Variants in RAB3GAP1 observed in about 807,000 individuals in gnomAD.
The protein encoded by RAB3GAP1 is RAB3 GTPase activating protein catalytic subunit 1.
RAB3GAP1 carries 86 observed loss-of-function variants against 130.7 expected under a neutral mutation model. The observed-to-expected ratio is 0.66, with a 90% CI of 0.55 to 0.79. RAB3GAP1 has a LOEUF of 0.79. Ranked by LOEUF, RAB3GAP1 falls within the 30% of genes least tolerant of loss-of-function variation. The pLI, the probability that RAB3GAP1 is intolerant of heterozygous loss-of-function variation, is 0.00. For synonymous variants in RAB3GAP1, 367 were observed against 401.7 expected, an observed-to-expected ratio of 0.91 and a Z score of 1.03; for missense variants, 1,029 against 1,169.4, an observed-to-expected ratio of 0.88 and a Z score of 1.75.
chr2:135,064,200 G>T (rs1689254308), intron 3 of RAB3GAP1, among the ~76,000 whole-genome samples: 1 of 151,828 alleles, frequency 6.6e-6, no homozygotes, highest in African/African-American at 2.4e-5. Context: ...TGCTGCATAG[G>T]GTTTATATTG....
rs377383603 is a variant in RAB3GAP1 at position 135,168,790 on chromosome 2, G to A, written c.*9G>A. On this transcript the variant is annotated 3_prime_UTR_variant, in exon 24 of 24. Coordinates refer to ENST00000264158, the MANE Select transcript of RAB3GAP1 (RefSeq NM_012233.3). Reference sequence around the variant, plus strand: ...ATACTTCCTTCTTCTGATTCTTCTAGCATTACTCGTTGGTGGCTTCAGAGA... The same window carrying A: ...ATACTTCCTTCTTCTGATTCTTCTAACATTACTCGTTGGTGGCTTCAGAGA... 200 of 1,608,188 alleles carry A rather than the reference G, an allele frequency of 1.2e-4. No homozygotes were observed. The highest frequency in any genetic ancestry group is 1.6e-4 in the Non-Finnish European group (188 of 1,174,772).
chr2:135,158,622 T>G (rs910777398), intron 19 of RAB3GAP1, among the ~76,000 whole-genome samples: 3 of 152,156 alleles, frequency 2.0e-5, no homozygotes, highest in African/African-American at 4.8e-5. Context: ...AAGTCTTCAT[T>G]TTGCAACCAT....
At position 135,147,923 on chromosome 2, in the gene RAB3GAP1, T is replaced by G. The variant is rs369695178; in HGVS notation, c.1924-2446T>G. 2.2e-4 allele frequency among the ~76,000 whole-genome samples: 33 copies of G among 152,312 alleles called. No homozygotes were observed. The South Asian group carries it at 5.8e-3, about 27-fold the overall frequency. ...AAAAGTTATTTTGGAAGCTCAGGCT[T>G]CTTCTTTCCTGAAATAAAAATAATA... On this transcript the variant is annotated intron_variant, in intron 17 of 23. Transcript: ENST00000264158.
chr2:135,072,623 C>T (rs1482029024), intron 3 of RAB3GAP1, among the ~76,000 whole-genome samples: 2 of 152,052 alleles, frequency 1.3e-5, no homozygotes, highest in African/African-American at 2.4e-5. Context: ...TTACGTAGAC[C>T]ATCTATTATA....
rs1210120463 is a variant in RAB3GAP1 at position 135,168,937 on chromosome 2, A to G, written c.*156A>G. On this transcript the variant is annotated 3_prime_UTR_variant, in exon 24 of 24. Coordinates refer to ENST00000264158, the MANE Select transcript of RAB3GAP1 (RefSeq NM_012233.3). ...GCATCGGAAAGACTTCCCAGCACCAAGCTTGAGCTGTGTCGTTTCGTGGAG... is the reference window on the plus strand; with the variant it reads ...GCATCGGAAAGACTTCCCAGCACCAGGCTTGAGCTGTGTCGTTTCGTGGAG... 1 of 615,730 alleles carries G rather than the reference A, an allele frequency of 1.6e-6. No homozygotes were observed. The highest frequency in any genetic ancestry group is 1.9e-5 in the African/African-American group (1 of 52,674). 38.1% of individuals were successfully genotyped at this position (615,730 alleles called of 1,614,324 possible).
chr2:135,084,696 T>C (rs1277366644), intron 3 of RAB3GAP1, among the ~76,000 whole-genome samples: 1 of 151,994 alleles, frequency 6.6e-6, no homozygotes, highest in Non-Finnish European at 1.5e-5. Context: ...GTTACAGGGG[T>C]TATTATTAAT....
In RAB3GAP1 at chr2:135,168,702, C is replaced by T. The variant is rs1240655717; in HGVS notation, c.2867C>T (p.Pro956Leu). Reference protein sequence around the residue: ...PRPAPYSKALPQRMYSVLTKE... With the variant: ...PRPAPYSKALLQRMYSVLTKE... ...CCTGCTCCCTACTCCAAAGCTCTGC[C>T]TCAGCGGATGTACAGTGTTCTCACC... The change falls in exon 24 of 24, where the codon CCT (proline) becomes CTT (leucine). Residue 956 changes from proline to leucine, a missense_variant. Physicochemically the swap from Pro to Leu is moderately conservative, Grantham distance 98. Coordinates refer to ENST00000264158, the MANE Select transcript of RAB3GAP1 (RefSeq NM_012233.3). 2 of 1,614,096 alleles carry T rather than the reference C, an allele frequency of 1.2e-6. No homozygotes were observed. The highest frequency in any genetic ancestry group is 2.2e-5 in the South Asian group (2 of 91,090).
intron 6 of RAB3GAP1, among the ~76,000 whole-genome samples, chr2:135,113,860 C>G (rs1231429184): frequency 6.6e-6 from 1 of 152,144 alleles, no homozygotes; most frequent in Admixed American, 6.5e-5. Context: ...CTGTCTCAGC[C>G]TCCCGAGTAT....
chr2:135,166,767 C>T (rs1380611615), intron 23 of RAB3GAP1, among the ~76,000 whole-genome samples: 2 of 151,948 alleles, frequency 1.3e-5, no homozygotes, highest in Middle Eastern at 3.2e-3. Flanking sequence ...TATATAATTA[C>T]TTCATTATTC....
At chr2:135,153,919 GTTC>G (rs1470811577) in intron 19 of RAB3GAP1, 43 bp downstream of exon 19, 1 of 1,562,478 alleles carries the variant, frequency 6.4e-7, no homozygotes, top group Non-Finnish European at 8.8e-7. Flanking sequence ...GCAAATTACT[GTTC>G]TTATGATTTA....
chr2:135,087,228 G>A lies in RAB3GAP1; in HGVS notation c.151-3770G>A, dbSNP rs752663959. Among the ~76,000 whole-genome samples, 34 of 152,230 alleles carry A rather than the reference G, an allele frequency of 2.2e-4. 2 individuals carry two copies. Among genetic ancestry groups the A allele is most frequent in the Middle Eastern group, 6.8e-3 (2 of 294 alleles). ...ACCTCTGTTGTGAAGTCAAATGTAA[G>A]TGCGAATGTTATTTCTGGACTCTAT... On this transcript the variant is annotated intron_variant, in intron 3 of 23. Transcript: ENST00000264158.
chr2:135,059,339 T>G (rs902191331), intron 3 of RAB3GAP1, among the ~76,000 whole-genome samples: 3 of 152,156 alleles, frequency 2.0e-5, no homozygotes, highest in African/African-American at 7.2e-5. Context: ...AACCGGGTAC[T>G]TATGAGCTCT....
chr2:135,138,576 A>G (rs1691745644), intron 17 of RAB3GAP1, among the ~76,000 whole-genome samples: 2 of 151,678 alleles, frequency 1.3e-5, no homozygotes, highest in African/African-American at 4.8e-5. Context: ...TATAATACAT[A>G]TATGTGTGTA....
Position 135,115,345 on chromosome 2 carries a change from CT to C in RAB3GAP1, c.614del (p.Leu205TyrfsTer16). 6.2e-7 allele frequency: 1 copy of C among 1,613,672 alleles called. No individual in the cohort carries two copies. The highest frequency in any genetic ancestry group is 8.5e-7 in the Non-Finnish European group (1 of 1,179,620). On this transcript the variant is annotated frameshift_variant, in exon 7 of 24. Coordinates refer to ENST00000264158, the MANE Select transcript of RAB3GAP1 (RefSeq NM_012233.3). LOFTEE classifies it high-confidence loss of function. ...GAAAAGTGCCAAATCAGTACACTCACTTATCAGGTCTGCTGGATATCTTCAA... is the reference window on the plus strand; with the variant it reads ...GAAAAGTGCCAAATCAGTACACTCACTATCAGGTCTGCTGGATATCTTCAA... Reference protein sequence around the residue: ...LRKVPNQYTHLSGLLDIFKSK... With the variant: ...LRKVPNQYTHXSGLLDIFKSK...
In RAB3GAP1 at chr2:135,168,964, G is replaced by A; in HGVS notation, c.*183G>A. 1.5e-6 allele frequency: 1 copy of A among 670,472 alleles called. No individual in the cohort carries two copies. The allele number at this position is 670,472 out of a possible 1,614,324, so 41.5% of individuals were successfully genotyped here. On this transcript the variant is annotated 3_prime_UTR_variant, in exon 24 of 24. Transcript: ENST00000264158. The stretch of plus-strand genomic sequence containing the variant: ...CTTGAGCTGTGTCGTTTCGTGGAGG[G>A]GGCAGCGAGGATGGGCTTGAGCTGT...
At chr2:135,089,039 C>G (rs1009216244) in intron 3 of RAB3GAP1, among the ~76,000 whole-genome samples, 1 of 152,158 alleles carries the variant, frequency 6.6e-6, no homozygotes, top group Non-Finnish European at 1.5e-5. Context: ...ATGTTTAAAT[C>G]TTTAATCCAT....
chr2:135,081,548 A>C (rs887783052), intron 3 of RAB3GAP1, among the ~76,000 whole-genome samples: 2 of 151,246 alleles, frequency 1.3e-5, no homozygotes, highest in Non-Finnish European at 2.9e-5. Context: ...GTTTGTGGTC[A>C]CCAGCAGACC....
chr2:135,118,267 T>A (rs1457159952), intron 7 of RAB3GAP1, among the ~76,000 whole-genome samples: 1 of 151,828 alleles, frequency 6.6e-6, no homozygotes, highest in East Asian at 1.9e-4. Context: ...TGGCTATTTA[T>A]TAGCAGTAGT....
In RAB3GAP1 at chr2:135,082,545, A is replaced by T. The variant is rs913501650; in HGVS notation, c.151-8453A>T. Among the ~76,000 whole-genome samples, 4 of 150,908 alleles carry T rather than the reference A, an allele frequency of 2.7e-5. No individual in the cohort carries two copies. The South Asian group carries it at 6.3e-4, about 24-fold the overall frequency. On this transcript the variant is annotated intron_variant, in intron 3 of 23. Transcript: ENST00000264158. ...AACCTTCGCCTCTTGGTTTCAAACG[A>T]TTCTCCTGCCTCAGCCTTCCAAGTT...
Sources: allele counts gnomAD v4.1 joint callset (sites outside exome capture counted in the v4.1 genomes callset), GRCh38; gene constraint gnomAD v4.1.1; transcripts MANE v1.5; gene names NCBI Gene and HGNC (gene_info 2026-07-23, HGNC 2026-07-21).